RNF6: variants seen among roughly 807,000 people sequenced by gnomAD.
RNF6 encodes the protein E3 ubiquitin-protein ligase RNF6.
RNF6 carries 21 observed loss-of-function variants against 50.1 expected under a neutral mutation model. The ratio of observed to expected loss-of-function variants is 0.42; its 90% CI spans 0.30 to 0.60. The LOEUF (loss-of-function observed/expected upper bound fraction) is 0.60. Among genes scored for constraint, RNF6 ranks in the 20% least tolerant of loss-of-function variants. The probability of loss-of-function intolerance (pLI) is 0.20; values close to 1 mark genes in which losing one functional copy is unlikely to be tolerated. For synonymous variants in RNF6, 255 were observed against 291.8 expected (o/e 0.87, Z 1.29); for missense variants, 698 against 838.2 (o/e 0.83, Z 2.07).
intron 5 of RNF6, chr13:26,135,595 T>A (rs1870607020): frequency 6.6e-6 from 1 of 152,216 alleles, no homozygotes; most frequent in Non-Finnish European, 1.5e-5. Context: ...TGAGGTTGAC[T>A]AGAAAAATAA....
At chr13:26,132,506 T>G (rs1870443464) in intron 5 of RNF6, 1 of 450,390 alleles carries the variant, frequency 2.2e-6, no homozygotes, top group Admixed American at 2.4e-5. Context: ...ATGTACTATG[T>G]TTAAACTTCC....
chr13:26,218,252 G>A (rs1870097986), intron 4 of RNF6, among the ~76,000 whole-genome samples: 1 of 152,186 alleles, frequency 6.6e-6, no homozygotes, highest in Non-Finnish European at 1.5e-5. Flanking sequence ...AAAGAAGCAT[G>A]CTGGGAATTA....
intron 2 of RNF6, among the ~76,000 whole-genome samples, chr13:26,220,191 A>G (rs1870333000): frequency 6.6e-6 from 1 of 152,224 alleles, no homozygotes; most frequent in South Asian, 2.1e-4. Flanking sequence ...AAAATCATTT[A>G]GCCTAATTAA....
intron 5 of RNF6, among the ~76,000 whole-genome samples, chr13:26,175,638 A>G (rs774216252): frequency 1.4e-4 from 21 of 152,176 alleles, no homozygotes; most frequent in Non-Finnish European, 2.8e-4. Flanking sequence ...GCAGGCCAAG[A>G]GCTGCCTGAA....
chr13:26,139,654 A>G (rs1399351966), intron 5 of RNF6, among the ~76,000 whole-genome samples: 1 of 152,150 alleles, frequency 6.6e-6, no homozygotes, highest in African/African-American at 2.4e-5. Flanking sequence ...ACATCTTTAT[A>G]ATATTGACTC....
At chr13:26,190,419 ATC>A (rs758961573) in intron 5 of RNF6, among the ~76,000 whole-genome samples, 9 of 152,196 alleles carry the variant, frequency 5.9e-5, no homozygotes, top group Non-Finnish European at 1.2e-4. Context: ...TATCATAGTT[ATC>A]TCTTCCAACT....
At chr13:26,187,134 C>T (rs1006763762) in intron 5 of RNF6, among the ~76,000 whole-genome samples, 1 of 37,962 alleles carries the variant, frequency 2.6e-5, no homozygotes, top group Non-Finnish European at 9.9e-5. Context: ...TGGGGCTGTC[C>T]CCGCTTCCTG....
intron 5 of RNF6, among the ~76,000 whole-genome samples, chr13:26,159,367 GTA>G (rs1476207404): frequency 1.1e-4 from 17 of 152,276 alleles, no homozygotes; most frequent in African/African-American, 4.1e-4. Flanking sequence ...GCTCACGCCT[GTA>G]ATCCCAGCAC....
intron 5 of RNF6, among the ~76,000 whole-genome samples, chr13:26,184,323 G>T (rs1873413153): frequency 6.6e-6 from 1 of 151,966 alleles, no homozygotes; most frequent in Admixed American, 6.6e-5. Flanking sequence ...GAGCCACCGC[G>T]CCCGGCCGCC....
intron 5 of RNF6, among the ~76,000 whole-genome samples, chr13:26,169,819 A>G (rs7990711): frequency 0.74 from 113,153 of 152,004 alleles, 42,386 homozygotes; most frequent in East Asian, 0.8. Flanking sequence ...ATTAGCAAAT[A>G]CAGATAGGCT....
At chr13:26,162,000 G>A (rs963866077) in intron 5 of RNF6, among the ~76,000 whole-genome samples, 1 of 152,058 alleles carries the variant, frequency 6.6e-6, no homozygotes, top group Admixed American at 6.6e-5. Context: ...TACCTATCTA[G>A]GCTATATGTA....
chr13:26,168,246 G>T (rs1244034198), intron 5 of RNF6, among the ~76,000 whole-genome samples: 7 of 152,172 alleles, frequency 4.6e-5, no homozygotes, highest in African/African-American at 1.7e-4. Context: ...ATATTTATAG[G>T]TGTTGCTAAA....
At chr13:26,146,333 A>G (rs1295868592) in intron 5 of RNF6, among the ~76,000 whole-genome samples, 2 of 152,208 alleles carry the variant, frequency 1.3e-5, no homozygotes, top group Non-Finnish European at 2.9e-5. Flanking sequence ...TGGTAACCAC[A>G]TCTACCTTGC....
chr13:26,182,082 T>C (rs1270586337), intron 5 of RNF6, among the ~76,000 whole-genome samples: 1 of 152,250 alleles, frequency 6.6e-6, no homozygotes, highest in African/African-American at 2.4e-5. Context: ...TTCTGATAAT[T>C]TAATTGAAAA....
intron 5 of RNF6, chr13:26,154,006 T>C (rs970020375): frequency 6.6e-6 from 1 of 152,234 alleles, no homozygotes; most frequent in South Asian, 2.1e-4. Context: ...TTCAGCTAAA[T>C]GAAATTCTTA....
chr13:26,170,254 C>A (rs1460794466), intron 5 of RNF6, among the ~76,000 whole-genome samples: 2 of 147,866 alleles, frequency 1.4e-5, no homozygotes, highest in Admixed American at 6.7e-5. Flanking sequence ...AAAAAAAAAG[C>A]TTTGAAGAGT....
At chr13:26,181,388 T>G (rs1488834026) in intron 5 of RNF6, among the ~76,000 whole-genome samples, 1 of 152,170 alleles carries the variant, frequency 6.6e-6, no homozygotes, top group Non-Finnish European at 1.5e-5. Context: ...AAGAATCTAG[T>G]CACTCAGTTG....
intron 5 of RNF6, among the ~76,000 whole-genome samples, chr13:26,190,700 A>T (rs569613107): frequency 7.2e-5 from 11 of 152,354 alleles, no homozygotes; most frequent in Admixed American, 3.9e-4. Context: ...TGTTCTATTC[A>T]TCAATTGAAC....
intron 5 of RNF6, chr13:26,135,452 A>G (rs957560339): frequency 2.0e-5 from 3 of 152,272 alleles, no homozygotes; most frequent in African/African-American, 4.8e-5. Context: ...TTGTGAAAAC[A>G]CAGCTGGCAT....
Sources: gnomAD v4.1 joint callset for allele counts (sites outside exome capture counted in the v4.1 genomes callset) on GRCh38, gnomAD v4.1.1 for gene constraint, MANE v1.5 for transcripts, NCBI Gene and HGNC (gene_info 2026-07-23, HGNC 2026-07-21) for gene names.